Variants in SUPT3H observed in about 807,000 individuals in gnomAD.
SUPT3H encodes transcription initiation protein SPT3 homolog.
A neutral mutation model predicts 44.3 loss-of-function variants in SUPT3H; 44 were observed. The ratio of observed to expected loss-of-function variants is 0.99; its 90% CI spans 0.78 to 1.28. SUPT3H has a LOEUF of 1.28. Ranked by LOEUF, SUPT3H falls within the 50% of genes most tolerant of loss-of-function variation. SUPT3H has a pLI of 0.00. For missense variants in SUPT3H, 380 were observed against 387.1 expected (o/e 0.98, Z 0.15); for synonymous variants, 124 against 125.6 (o/e 0.99, Z 0.09).
intron 2 of SUPT3H, among the ~76,000 whole-genome samples, chr6:45,317,751 G>A (rs1471829724): frequency 6.6e-6 from 1 of 152,076 alleles, no homozygotes; most frequent in East Asian, 1.9e-4. Context: ...AGAAAACAGA[G>A]GGGAAAAGCT....
intron 6 of SUPT3H, among the ~76,000 whole-genome samples, chr6:44,970,468 G>A (rs149445836): frequency 1.3e-5 from 2 of 152,086 alleles, no homozygotes; most frequent in South Asian, 2.1e-4. Flanking sequence ...TAACTCGGTT[G>A]GCAAATAACA....
downstream of SUPT3H, among the ~76,000 whole-genome samples, chr6:44,823,428 G>T (rs1561836214): frequency 1.3e-5 from 2 of 152,128 alleles, no homozygotes; most frequent in Non-Finnish European, 2.9e-5. Flanking sequence ...ACTGCTAACA[G>T]AAACACCTGA....
At chr6:45,168,957 C>T (rs1001959698) in intron 2 of SUPT3H, among the ~76,000 whole-genome samples, 1 of 152,142 alleles carries the variant, frequency 6.6e-6, no homozygotes, top group Non-Finnish European at 1.5e-5. Flanking sequence ...GCTGAAGAAA[C>T]ACAACTGGAC....
chr6:45,311,638 GA>G (rs1688618429), intron 2 of SUPT3H, among the ~76,000 whole-genome samples: 1 of 152,166 alleles, frequency 6.6e-6, no homozygotes, highest in Non-Finnish European at 1.5e-5. Context: ...CTACAAGCTA[GA>G]AGGGATTGGG....
intron 3 of SUPT3H, among the ~76,000 whole-genome samples, chr6:45,027,187 T>C (rs1052077133): frequency 1.3e-5 from 2 of 151,986 alleles, no homozygotes; most frequent in African/African-American, 2.4e-5. Context: ...GACAGGGTTC[T>C]GCCACGTTGA....
chr6:45,069,218 A>T (rs1172802357), intron 3 of SUPT3H, among the ~76,000 whole-genome samples: 1 of 152,200 alleles, frequency 6.6e-6, no homozygotes, highest in Non-Finnish European at 1.5e-5. Flanking sequence ...TAAATACCAC[A>T]ATAACAGTAT....
intron 10 of SUPT3H, among the ~76,000 whole-genome samples, chr6:44,841,547 T>C (rs983959074): frequency 4.6e-5 from 7 of 152,224 alleles, no homozygotes; most frequent in African/African-American, 1.7e-4. Flanking sequence ...CCTTCAATAA[T>C]GTGTTTAAAT....
At chr6:45,239,403 TC>T (rs1193784590) in intron 2 of SUPT3H, among the ~76,000 whole-genome samples, 1 of 152,234 alleles carries the variant, frequency 6.6e-6, no homozygotes, top group Non-Finnish European at 1.5e-5. Flanking sequence ...ATGCCTCTGG[TC>T]TCAAGCGCAG....
At chr6:45,198,100 G>C (rs760782969) in intron 2 of SUPT3H, among the ~76,000 whole-genome samples, 1 of 151,226 alleles carries the variant, frequency 6.6e-6, no homozygotes, top group Non-Finnish European at 1.5e-5. Context: ...AATGTTATAT[G>C]CTTTGAATAC....
At chr6:45,037,631 T>C (rs1787881383) in intron 3 of SUPT3H, among the ~76,000 whole-genome samples, 1 of 151,642 alleles carries the variant, frequency 6.6e-6, no homozygotes, top group African/African-American at 2.4e-5. Context: ...GCCACTGCAC[T>C]CCAGCCTGGA....
intron 2 of SUPT3H, chr6:45,323,042 C>A: frequency 3.4e-6 from 3 of 889,736 alleles, no homozygotes; most frequent in South Asian, 1.8e-5. Flanking sequence ...CGATGATATT[C>A]ATGTTTAAAT....
At chr6:45,239,031 G>A (rs989785309) in intron 2 of SUPT3H, among the ~76,000 whole-genome samples, 5 of 152,162 alleles carry the variant, frequency 3.3e-5, no homozygotes, top group South Asian at 2.1e-4. Context: ...ATTCTGGATC[G>A]AAAGGTAAAG....
chr6:45,360,262 A>G (rs1347101351), intron 2 of SUPT3H, among the ~76,000 whole-genome samples: 1 of 152,106 alleles, frequency 6.6e-6, no homozygotes, highest in East Asian at 1.9e-4. Context: ...AATAGCATCT[A>G]CCCTCACAGA....
At chr6:45,238,514 G>A (rs1310552165) in intron 2 of SUPT3H, among the ~76,000 whole-genome samples, 2 of 152,210 alleles carry the variant, frequency 1.3e-5, no homozygotes, top group East Asian at 3.8e-4. Flanking sequence ...AAAGGAGGCT[G>A]AGGCAGAGTT....
chr6:45,104,981 A>G (rs2153570783), intron 3 of SUPT3H, among the ~76,000 whole-genome samples: 1 of 152,060 alleles, frequency 6.6e-6, no homozygotes, highest in Middle Eastern at 3.4e-3. Flanking sequence ...AAAACAAGAA[A>G]AACTACAAGG....
chr6:45,330,841 T>C (rs1459136822), intron 2 of SUPT3H, among the ~76,000 whole-genome samples: 1 of 151,840 alleles, frequency 6.6e-6, no homozygotes, highest in Non-Finnish European at 1.5e-5. Context: ...ATCAACCCAC[T>C]ACCTCAGACT....
At chr6:45,017,513 A>G (rs1784476762) in intron 4 of SUPT3H, among the ~76,000 whole-genome samples, 1 of 152,104 alleles carries the variant, frequency 6.6e-6, no homozygotes, top group East Asian at 1.9e-4. Context: ...ATCTTGAATT[A>G]ATTTTTGTAT....
intron 10 of SUPT3H, among the ~76,000 whole-genome samples, chr6:44,919,047 T>G (rs1562044566): frequency 6.6e-6 from 1 of 152,176 alleles, no homozygotes; most frequent in Non-Finnish European, 1.5e-5. Context: ...ATCACTACAA[T>G]CAGTAAGGCT....
intron 2 of SUPT3H, among the ~76,000 whole-genome samples, chr6:45,198,232 T>G (rs1816409459): frequency 6.6e-6 from 1 of 151,334 alleles, no homozygotes. Flanking sequence ...GAATACATAT[T>G]CTAGTGATGC....
Sources: allele counts gnomAD v4.1 joint callset (sites outside exome capture counted in the v4.1 genomes callset), GRCh38; gene constraint gnomAD v4.1.1; transcripts MANE v1.5; gene names NCBI Gene and HGNC (gene_info 2026-07-23, HGNC 2026-07-21).